Variants in SV2C observed in about 807,000 individuals in gnomAD.
The protein encoded by SV2C is synaptic vesicle glycoprotein 2C, also known as solute carrier family 22 member B3.
SV2C carries 49 observed loss-of-function variants against 79.7 expected under a neutral mutation model. That is an observed-to-expected ratio of 0.61 (90% confidence interval 0.49 to 0.78). The LOEUF is 0.78. SV2C is among the 30% of genes least tolerant of loss of function. The pLI, the probability that SV2C is intolerant of heterozygous loss-of-function variation, is 0.00. For synonymous variants in SV2C, 334 were observed against 333.2 expected (o/e 1.00, Z -0.03); for missense variants, 833 against 912.9 (o/e 0.91, Z 1.13).
intron 4 of SV2C, among the ~76,000 whole-genome samples, chr5:76,282,123 G>A (rs961143383): frequency 6.6e-5 from 10 of 152,206 alleles, no homozygotes; most frequent in African/African-American, 2.4e-4. Context: ...GAGGGGAGAA[G>A]AAAAGGCACA....
intron 2 of SV2C, chr5:76,173,725 A>G: frequency 6.2e-7 from 1 of 1,613,510 alleles, no homozygotes; most frequent in Non-Finnish European, 8.5e-7. Context: ...TCTCATTAAC[A>G]TTTATTTTTG....
the SV2C span, among the ~76,000 whole-genome samples, chr5:76,017,068 A>T: frequency 6.6e-6 from 1 of 152,232 alleles, no homozygotes; most frequent in African/African-American, 2.4e-5. Flanking sequence ...GTATAATTTC[A>T]TCATGAAAAG....
At chr5:75,947,153 A>G in the SV2C span, among the ~76,000 whole-genome samples, 4 of 152,006 alleles carry the variant, frequency 2.6e-5, no homozygotes, top group Non-Finnish European at 5.9e-5. Context: ...TGCCAGTGGG[A>G]ATAAAGATAA....
the SV2C span, among the ~76,000 whole-genome samples, chr5:75,946,428 AC>A: frequency 2.0e-5 from 3 of 152,148 alleles, no homozygotes; most frequent in Middle Eastern, 3.2e-3. Context: ...CCATGGGTTT[AC>A]ATGACTATCT....
chr5:76,300,686 C>T (rs995112095), intron 10 of SV2C, 43 bp from the exon 11 acceptor site: 115 of 1,589,730 alleles, frequency 7.2e-5, no homozygotes, highest in Non-Finnish European at 9.3e-5. Context: ...TGGTGCATGC[C>T]TGGTAAGAGC....
the SV2C span, among the ~76,000 whole-genome samples, chr5:76,037,964 G>C: frequency 3.9e-5 from 6 of 152,318 alleles, no homozygotes; most frequent in South Asian, 2.1e-4. Context: ...TTTTAAGCCC[G>C]TCGGAAAAGC....
the SV2C span, among the ~76,000 whole-genome samples, chr5:75,996,824 G>A: frequency 0.82 from 116,525 of 142,192 alleles, 48,177 homozygotes; most frequent in Middle Eastern, 0.91. Flanking sequence ...TGATTTTTGC[G>A]CATTGATTTT....
chr5:75,999,577 G>A, the SV2C span, among the ~76,000 whole-genome samples: 1 of 151,814 alleles, frequency 6.6e-6, no homozygotes, highest in Admixed American at 6.6e-5. Flanking sequence ...AGCAGGAGAA[G>A]ATAAGATGTC....
chr5:76,225,916 C>T (rs1413334461), intron 4 of SV2C, among the ~76,000 whole-genome samples: 1 of 152,178 alleles, frequency 6.6e-6, no homozygotes, highest in Admixed American at 6.5e-5. Context: ...TGTGCCTGGC[C>T]CCATGCTGGA....
At chr5:76,078,774 G>A (rs1409912920), upstream of SV2C, 1 of 584,188 alleles carries the variant, frequency 1.7e-6, no homozygotes, top group Admixed American at 1.9e-5. Flanking sequence ...GGGGATGGCA[G>A]AGTCTGCACA....
At chr5:76,255,049 A>G (rs958136192) in intron 4 of SV2C, among the ~76,000 whole-genome samples, 4 of 152,160 alleles carry the variant, frequency 2.6e-5, no homozygotes, top group Admixed American at 6.5e-5. Flanking sequence ...TGTTAACCTA[A>G]GATTTTGAGC....
chr5:75,979,619 G>A, the SV2C span, among the ~76,000 whole-genome samples: 1 of 151,760 alleles, frequency 6.6e-6, no homozygotes, highest in African/African-American at 2.4e-5. Context: ...ACCTGATCCT[G>A]AATGACTTTT....
At chr5:76,106,110 T>C (rs1747901651) in intron 1 of SV2C, among the ~76,000 whole-genome samples, 1 of 152,198 alleles carries the variant, frequency 6.6e-6, no homozygotes. Flanking sequence ...TGATGCCTTC[T>C]CTGCACCTGC....
At chr5:75,876,079 G>A in the SV2C span, among the ~76,000 whole-genome samples, 53 of 152,102 alleles carry the variant, frequency 3.5e-4, no homozygotes, top group Admixed American at 6.6e-4. Flanking sequence ...GTATAGACCC[G>A]AAGGAATAGA....
chr5:76,202,316 A>G (rs1002589951), intron 3 of SV2C, among the ~76,000 whole-genome samples: 2 of 152,224 alleles, frequency 1.3e-5, no homozygotes, highest in Non-Finnish European at 2.9e-5. Flanking sequence ...TGACCCGATG[A>G]GAAAGATGCT....
the SV2C span, among the ~76,000 whole-genome samples, chr5:75,901,861 T>C: frequency 6.6e-6 from 1 of 152,182 alleles, no homozygotes; most frequent in Non-Finnish European, 1.5e-5. Flanking sequence ...TAGCAATCAG[T>C]GAGACTCCGT....
At chr5:75,877,189 A>G in the SV2C span, among the ~76,000 whole-genome samples, 1 of 152,156 alleles carries the variant, frequency 6.6e-6, no homozygotes, top group Non-Finnish European at 1.5e-5. Context: ...CAAAAATATT[A>G]CCAGATAAAT....
chr5:76,305,030 G>A (rs891138093), intron 12 of SV2C, among the ~76,000 whole-genome samples: 1 of 152,152 alleles, frequency 6.6e-6, no homozygotes, highest in Non-Finnish European at 1.5e-5. Flanking sequence ...TAAAGGGGGA[G>A]CAGGCACATC....
rs778868194 is a variant in SV2C at position 76,295,954 on chromosome 5, T to A, written c.1502+12T>A. The A allele has an allele frequency of 5.8e-6, 9 of 1,553,716 alleles. No homozygotes were observed. The highest frequency in any genetic ancestry group is 7.8e-6 in the Non-Finnish European group (9 of 1,151,026). The stretch of plus-strand genomic sequence containing the variant: ...TACGACAATGGCAGGTCTAGAAACT[T>A]GAAATAATTTAATTTGCTACCTATT... On this transcript the variant is annotated intron_variant, in intron 9 of 12. Transcript: ENST00000502798.
Sources: gnomAD v4.1 joint callset for allele counts (sites outside exome capture counted in the v4.1 genomes callset) on GRCh38, gnomAD v4.1.1 for gene constraint, MANE v1.5 for transcripts, NCBI Gene and HGNC (gene_info 2026-07-23, HGNC 2026-07-21) for gene names.